Variants in RBMS3 observed in about 807,000 individuals in gnomAD.
RBMS3 encodes RNA-binding motif, single-stranded-interacting protein 3.
In RBMS3, 27 loss-of-function variants were observed where a neutral mutation model predicts 66.8. That is an observed-to-expected ratio of 0.40 (90% CI 0.30 to 0.56). The LOEUF (loss-of-function observed/expected upper bound fraction) is 0.56, where lower values mean the gene tolerates loss of function less well. Among genes scored for constraint, RBMS3 ranks in the 20% least tolerant of loss-of-function variants. RBMS3 has a pLI of 0.40. For synonymous variants in RBMS3, 188 were observed against 183.0 expected (o/e 1.03, Z -0.22); for missense variants, 513 against 549.5 (o/e 0.93, Z 0.66).
chr3:29,546,607 C>T (rs1343760789), intron 3 of RBMS3, among the ~76,000 whole-genome samples: 1 of 152,186 alleles, frequency 6.6e-6, no homozygotes, highest in African/African-American at 2.4e-5. Flanking sequence ...TTGTTTTTCA[C>T]AGACCTGAGC....
At chr3:29,899,512 T>A (rs541272269) in intron 9 of RBMS3, among the ~76,000 whole-genome samples, 193 bp from the exon 10 acceptor site, 2 of 151,856 alleles carry the variant, frequency 1.3e-5, no homozygotes, top group East Asian at 3.9e-4. Flanking sequence ...GAAGTTGCTT[T>A]ACCTTTTACC....
chr3:29,994,975 G>A (rs1256703993), intron 14 of RBMS3, among the ~76,000 whole-genome samples: 1 of 152,178 alleles, frequency 6.6e-6, no homozygotes, highest in African/African-American at 2.4e-5. Context: ...AAATTACTCT[G>A]AGCTATGGGA....
chr3:29,591,080 AAG>A (rs2047718284), intron 4 of RBMS3, among the ~76,000 whole-genome samples: 1 of 152,168 alleles, frequency 6.6e-6, no homozygotes, highest in African/African-American at 2.4e-5. Context: ...GCTTTCTTGT[AAG>A]AGAGTATGAA....
rs1401629553 is a variant in RBMS3 at position 29,575,219 on chromosome 3, A to G, written c.308-11895A>G. Among the ~76,000 whole-genome samples the G allele has an allele frequency of 2.0e-5, 3 of 152,032 alleles. No homozygotes were observed. The East Asian group carries it at 5.8e-4, about 29-fold the overall frequency. On this transcript the variant is annotated intron_variant, in intron 3 of 14. Transcript: ENST00000383767. Reference sequence around the variant, plus strand: ...CCATCAGCTATTTTTTCATCTAGAAAGGTCTTTATTTCTTTTTCACACTTG... The same window carrying G: ...CCATCAGCTATTTTTTCATCTAGAAGGGTCTTTATTTCTTTTTCACACTTG...
At chr3:29,512,419 G>T (rs2044449689) in intron 3 of RBMS3, among the ~76,000 whole-genome samples, 2 of 152,024 alleles carry the variant, frequency 1.3e-5, no homozygotes, top group Admixed American at 1.3e-4. Flanking sequence ...TATAAATGTT[G>T]CATTAATCCT....
chr3:29,823,246 T>C (rs1294346130), intron 6 of RBMS3, among the ~76,000 whole-genome samples: 2 of 152,168 alleles, frequency 1.3e-5, no homozygotes, highest in African/African-American at 4.8e-5. Context: ...CCCCTCCAAC[T>C]ACCATGGATA....
intron 4 of RBMS3, among the ~76,000 whole-genome samples, chr3:29,684,794 A>ACACGTACACACACACACACC (rs2051643200): frequency 6.6e-6 from 1 of 151,576 alleles, no homozygotes; most frequent in Non-Finnish European, 1.5e-5. Flanking sequence ...ACACACACAC[A>ACACGTACACACACACACACC]CACACACACA....
intron 1 of RBMS3, among the ~76,000 whole-genome samples, chr3:29,411,873 G>C: frequency 6.6e-6 from 1 of 152,156 alleles, no homozygotes; most frequent in East Asian, 1.9e-4. Context: ...CTGATGTGAA[G>C]CAGAAAGAAA....
chr3:29,611,820 A>G lies in RBMS3; in HGVS notation c.399+24615A>G, dbSNP rs565412194. Among the ~76,000 whole-genome samples the G allele has an allele frequency of 2.6e-5, 4 of 152,172 alleles. 1 individual carries two copies. The South Asian group carries it at 6.2e-4, about 24-fold the overall frequency. On this transcript the variant is annotated intron_variant, in intron 4 of 14. Coordinates refer to ENST00000383767, the MANE Select transcript of RBMS3 (RefSeq NM_001003793.3). ...AGTGTGAAATACAAAGTTAAACTTC[A>G]TTCCTCATCCATCTCCAGAGGTGAT...
At chr3:29,939,654 C>T (rs2149695299) in intron 11 of RBMS3, among the ~76,000 whole-genome samples, 1 of 151,998 alleles carries the variant, frequency 6.6e-6, no homozygotes. Context: ...TGGTTCTCCT[C>T]AGACCTCTCT....
intron 1 of RBMS3, among the ~76,000 whole-genome samples, chr3:29,370,560 T>C (rs940902095): frequency 6.6e-6 from 1 of 152,196 alleles, no homozygotes; most frequent in Non-Finnish European, 1.5e-5. Context: ...ACCTGGCTCA[T>C]CCACTTGTGA....
intron 3 of RBMS3, among the ~76,000 whole-genome samples, chr3:29,492,509 A>G (rs963137222): frequency 2.0e-5 from 3 of 152,240 alleles, no homozygotes; most frequent in African/African-American, 4.8e-5. Context: ...TTGTATTAGA[A>G]AAAGTGACTA....
At chr3:29,868,487 G>A (rs184152329) in intron 6 of RBMS3, among the ~76,000 whole-genome samples, 1 of 152,254 alleles carries the variant, frequency 6.6e-6, no homozygotes, top group East Asian at 1.9e-4. Context: ...AGTTTCTACA[G>A]TGCAAACACG....
chr3:29,413,746 T>A (rs929083086), intron 1 of RBMS3, among the ~76,000 whole-genome samples: 10 of 152,062 alleles, frequency 6.6e-5, no homozygotes, highest in African/African-American at 2.4e-4. Flanking sequence ...TGAAGAGAAC[T>A]GAATTGTGTA....
intron 4 of RBMS3, among the ~76,000 whole-genome samples, chr3:29,735,283 C>T (rs1445301042): frequency 6.6e-6 from 1 of 151,976 alleles, no homozygotes; most frequent in East Asian, 1.9e-4. Flanking sequence ...ACACTAAAAA[C>T]CTGAGAAAAA....
chr3:29,505,511 TTTTTTTTGTTG>T (rs1366729788), intron 3 of RBMS3, among the ~76,000 whole-genome samples: 1 of 117,362 alleles, frequency 8.5e-6, no homozygotes, highest in Admixed American at 1.0e-4. Flanking sequence ...ATTTTGTTTT[TTTTTTTTGTTG>T]TTTGTTTGTT....
At chr3:29,474,992 T>C (rs1170152876) in intron 2 of RBMS3, among the ~76,000 whole-genome samples, 1 of 152,118 alleles carries the variant, frequency 6.6e-6, no homozygotes, top group Non-Finnish European at 1.5e-5. Context: ...ATAAATAAGA[T>C]ATATAAAGCA....
rs111355751 is a variant in RBMS3, at chr3:29,817,046, G to A, written c.638-51812G>A. ...GCAGAGGTTGCCGTGAGCCGAGATC[G>A]AACCACTGCACTCCAGCCTGGATGA... On this transcript the variant is annotated intron_variant, in intron 6 of 14. Transcript: ENST00000383767. Among the ~76,000 whole-genome samples the A allele has an allele frequency of 2.9e-3, 441 of 152,098 alleles. 6 individuals are homozygous for A. The highest frequency in any genetic ancestry group is 9.7e-3 in the African/African-American group (401 of 41,506).
At chr3:29,401,068 C>T (rs7431496) in intron 1 of RBMS3, among the ~76,000 whole-genome samples, 8,546 of 151,732 alleles carry the variant, frequency 0.056, 407 homozygotes, top group East Asian at 0.18. Context: ...AGGGAGAGCA[C>T]GATACAATAA....
Sources: gnomAD v4.1 joint callset for allele counts (sites outside exome capture counted in the v4.1 genomes callset) on GRCh38, gnomAD v4.1.1 for gene constraint, MANE v1.5 for transcripts, NCBI Gene and HGNC (gene_info 2026-07-23, HGNC 2026-07-21) for gene names.